The following AUH variants were observed in gnomAD, a reference collection of about 807,000 sequenced individuals.
AUH encodes AU RNA binding methylglutaconyl-CoA hydratase.
AUH carries 29 observed loss-of-function variants against 42.3 expected under a neutral mutation model. That is an observed-to-expected ratio of 0.69 (90% CI 0.51 to 0.93). The LOEUF is 0.93. AUH is among the 40% of genes least tolerant of loss of function. The pLI is 0.00. For missense variants in AUH, 452 were observed against 438.1 expected, an observed-to-expected ratio of 1.03 and a Z score of -0.28; for synonymous variants, 174 against 166.4, an observed-to-expected ratio of 1.05 and a Z score of -0.35.
chr9:91,237,449 T>C (rs1401478024), intron 6 of AUH, among the ~76,000 whole-genome samples: 1 of 152,258 alleles, frequency 6.6e-6, no homozygotes, highest in Admixed American at 6.5e-5. Flanking sequence ...TTGTTTCTTT[T>C]GCTTGTGATC....
chr9:91,321,414 G>C (rs1425095670), intron 4 of AUH, among the ~76,000 whole-genome samples: 6 of 151,124 alleles, frequency 4.0e-5, no homozygotes, highest in South Asian at 4.2e-4. Flanking sequence ...GTTTTGTTTT[G>C]TTTTCTTTGA....
chr9:91,300,187 T>C (rs1183077143), intron 4 of AUH, among the ~76,000 whole-genome samples: 1 of 152,036 alleles, frequency 6.6e-6, no homozygotes, highest in Non-Finnish European at 1.5e-5. Flanking sequence ...CTCTGGTAAT[T>C]TCTCAGCCTT....
chr9:91,279,173 T>A (rs1256393260), intron 6 of AUH, among the ~76,000 whole-genome samples: 1 of 152,134 alleles, frequency 6.6e-6, no homozygotes, highest in East Asian at 1.9e-4. Context: ...CAAACAACCA[T>A]TAAGTAACAA....
intron 3 of AUH, among the ~76,000 whole-genome samples, chr9:91,354,780 A>G (rs943635736): frequency 1.3e-5 from 2 of 152,142 alleles, no homozygotes; most frequent in Non-Finnish European, 2.9e-5. Context: ...TATCTTCCCA[A>G]TAAGCCATCC....
chr9:91,338,453 G>A (rs1182929541), intron 3 of AUH, among the ~76,000 whole-genome samples: 1 of 152,182 alleles, frequency 6.6e-6, no homozygotes, highest in Non-Finnish European at 1.5e-5. Context: ...CAGGGGGACA[G>A]AGTCTCGCTG....
chr9:91,345,638 C>G (rs1378546433), intron 3 of AUH, among the ~76,000 whole-genome samples: 1 of 151,746 alleles, frequency 6.6e-6, no homozygotes, highest in Non-Finnish European at 1.5e-5. Flanking sequence ...TCGAGACCAT[C>G]CTGGCTAATA....
At chr9:91,302,551 T>C (rs1159474727) in intron 4 of AUH, among the ~76,000 whole-genome samples, 1 of 152,142 alleles carries the variant, frequency 6.6e-6, no homozygotes, top group Non-Finnish European at 1.5e-5. Context: ...ATCGCGCCAT[T>C]GCACTCCAGC....
At chr9:91,335,902 G>A (rs1237911519) in intron 3 of AUH, among the ~76,000 whole-genome samples, 1 of 152,132 alleles carries the variant, frequency 6.6e-6, no homozygotes, top group Admixed American at 6.5e-5. Flanking sequence ...AGGTTTTATG[G>A]CCTAGCAGAT....
chr9:91,225,800 G>A (rs1827424764), intron 6 of AUH, among the ~76,000 whole-genome samples: 3 of 151,216 alleles, frequency 2.0e-5, no homozygotes, highest in South Asian at 4.2e-4. Flanking sequence ...AGAATATGCG[G>A]TGTTTGGTTT....
intron 3 of AUH, among the ~76,000 whole-genome samples, chr9:91,329,266 T>C (rs550717816): frequency 5.9e-5 from 9 of 151,660 alleles, no homozygotes; most frequent in Middle Eastern, 3.4e-3. Context: ...GTAGAATTGC[T>C]AGGTCATACT....
At chr9:91,353,739 G>T (rs1018674860) in intron 3 of AUH, among the ~76,000 whole-genome samples, 1 of 147,482 alleles carries the variant, frequency 6.8e-6, no homozygotes, top group Non-Finnish European at 1.5e-5. Flanking sequence ...TCGGGAGGCT[G>T]AGGCAGGAGA....
chr9:91,313,522 G>A (rs1182869116), intron 4 of AUH, among the ~76,000 whole-genome samples: 2 of 151,692 alleles, frequency 1.3e-5, no homozygotes, highest in Non-Finnish European at 2.9e-5. Flanking sequence ...TGGCTAACAA[G>A]GTGAAACCCC....
chr9:91,326,002 AT>A (rs1829945167), intron 3 of AUH, among the ~76,000 whole-genome samples: 1 of 152,216 alleles, frequency 6.6e-6, no homozygotes, highest in African/African-American at 2.4e-5. Context: ...TTTCATAATT[AT>A]GACTTTAGCA....
intron 4 of AUH, among the ~76,000 whole-genome samples, chr9:91,322,112 G>A (rs1203994815): frequency 2.6e-5 from 4 of 152,086 alleles, no homozygotes; most frequent in African/African-American, 9.7e-5. Context: ...TAATAAATAT[G>A]GAGGAACTCC....
chr9:91,340,649 T>TTCCAGATCA (rs1475252406), intron 3 of AUH, among the ~76,000 whole-genome samples: 1 of 152,178 alleles, frequency 6.6e-6, no homozygotes, highest in African/African-American at 2.4e-5. Context: ...GTACAACTGT[T>TTCCAGATCA]TCCAGATCAC....
intron 6 of AUH, among the ~76,000 whole-genome samples, chr9:91,274,098 A>G (rs1825364987): frequency 6.6e-6 from 1 of 152,190 alleles, no homozygotes. Flanking sequence ...TACAGCAACA[A>G]AAGAAATGGA....
intron 6 of AUH, among the ~76,000 whole-genome samples, chr9:91,246,624 T>TG (rs1828810544): frequency 1.3e-5 from 2 of 152,028 alleles, no homozygotes; most frequent in Non-Finnish European, 2.9e-5. Context: ...AACTAATAAA[T>TG]GAATTAGAAA....
intron 4 of AUH, among the ~76,000 whole-genome samples, chr9:91,310,130 T>A (rs1828589339): frequency 6.6e-6 from 1 of 152,154 alleles, no homozygotes; most frequent in Middle Eastern, 3.2e-3. Flanking sequence ...AGACCTTCCA[T>A]CCCAATCTAG....
chr9:91,258,199 GT>G (rs1445708128), intron 6 of AUH, among the ~76,000 whole-genome samples: 3 of 152,148 alleles, frequency 2.0e-5, no homozygotes, highest in Admixed American at 2.0e-4. Context: ...TGTGAAGACA[GT>G]GTTTAAATTC....
Sources: allele counts gnomAD v4.1 joint callset (sites outside exome capture counted in the v4.1 genomes callset), GRCh38; gene constraint gnomAD v4.1.1; transcripts MANE v1.5; gene names NCBI Gene and HGNC (gene_info 2026-07-23, HGNC 2026-07-21).